Variants in ZNF24 observed in about 807,000 individuals in gnomAD.
ZNF24 encodes the protein retinoic acid suppression protein A.
In ZNF24, 11 loss-of-function variants were observed where a neutral mutation model predicts 40.9. The observed-to-expected ratio is 0.27, with a 90% confidence interval of 0.17 to 0.45. The LOEUF is 0.45. ZNF24 is among the 20% of genes least tolerant of loss of function. The pLI, the probability that ZNF24 is intolerant of heterozygous loss-of-function variation, is 1.00. For synonymous variants in ZNF24, 139 were observed against 154.7 expected, an observed-to-expected ratio of 0.90 and a Z score of 0.75; for missense variants, 293 against 437.7, an observed-to-expected ratio of 0.67 and a Z score of 2.95.
At chr18:35,338,667 AAG>A (rs199906915) in intron 3 of ZNF24, 2 of 1,050,016 alleles carry the variant, frequency 1.9e-6, no homozygotes, top group East Asian at 7.9e-5. Context: ...AGATAAGGCT[AAG>A]AGAGAGAGAC....
At chr18:35,337,814 G>C in intron 3 of ZNF24, 44 bp from the exon 4 acceptor site, 1 of 1,372,774 alleles carries the variant, frequency 7.3e-7, no homozygotes, top group East Asian at 2.4e-5. Context: ...TATCTATTAA[G>C]GGAAAAGAAA....
At chr18:35,338,400 C>A in intron 3 of ZNF24, 2 of 985,380 alleles carry the variant, frequency 2.0e-6, no homozygotes, top group South Asian at 4.7e-5. Flanking sequence ...AGCAGCTTCT[C>A]CCATGTGGTA....
At chr18:35,341,888 A>C (rs2044972017) in intron 1 of ZNF24, among the ~76,000 whole-genome samples, 1 of 152,134 alleles carries the variant, frequency 6.6e-6, no homozygotes, top group African/African-American at 2.4e-5. Context: ...TGTCTCTAAA[A>C]AATGAATTTA....
rs1300726054 is a variant in ZNF24 at position 35,337,702 on chromosome 18, G to A, written c.637C>T (p.His213Tyr). The change falls in exon 4 of 4, where the codon CAT (histidine) becomes TAT (tyrosine). Residue 213 changes from histidine to tyrosine, a missense_variant. Physicochemically the swap from His to Tyr is moderately conservative, Grantham distance 83. Around this residue, in one of 2 missense-constraint regions of ZNF24, gnomAD observed 234 missense variants for 299.2 expected, o/e 0.78. Transcript: ENST00000261332. ...ATATTGAGAGTGCCAGGAACTTCAT[G>A]GGATTCTAATGCTGAAGGAAGCTCC... ...KQELPSALESHEVPGTLNMGV... is the reference protein window; with the variant it reads ...KQELPSALESYEVPGTLNMGV... 1 of 1,612,524 alleles carries A rather than the reference G, an allele frequency of 6.2e-7. No homozygotes were observed. Among genetic ancestry groups the A allele is most frequent in the East Asian group, 2.2e-5 (1 of 44,886 alleles).
rs1448788124 is a variant in ZNF24 at position 35,333,720 on chromosome 18, A to C, written c.*3512T>G. On this transcript the variant is annotated 3_prime_UTR_variant, in exon 4 of 4. Transcript: ENST00000261332. ...GAAATCTTTTTGGTAGTAGTTTTCA[A>C]AACTGCAAATGTGAAACCTGATCCA... The C allele has an allele frequency of 1.3e-5, 2 of 152,178 alleles. No individual in the cohort carries two copies. The highest frequency in any genetic ancestry group is 1.9e-4 in the East Asian group (1 of 5,200). 9.4% of individuals were successfully genotyped at this position (152,178 alleles called of 1,614,324 possible).
At position 35,336,270 on chromosome 18, in the gene ZNF24, G is replaced by T. The variant is rs1369427500; in HGVS notation, c.*962C>A. On this transcript the variant is annotated 3_prime_UTR_variant, in exon 4 of 4. Coordinates refer to ENST00000261332, the MANE Select transcript of ZNF24 (RefSeq NM_006965.4). ...TTTGTACCAAAGGAATAAAAAATAG[G>T]TAACCTGATACTTGCCCACCTGTCA... is the stretch of plus-strand genomic sequence containing the variant. 6.6e-6 allele frequency: 1 copy of T among 152,588 alleles called. No individual in the cohort carries two copies. Among genetic ancestry groups the T allele is most frequent in the Non-Finnish European group, 1.5e-5 (1 of 68,026 alleles). 9.5% of individuals were successfully genotyped at this position (152,588 alleles called of 1,614,324 possible).
intron 3 of ZNF24, 43 bp from the exon 4 acceptor site, chr18:35,337,813 A>AC (rs1569102629): frequency 2.9e-6 from 4 of 1,367,482 alleles, no homozygotes; most frequent in African/African-American, 2.8e-5. Context: ...TTATCTATTA[A>AC]GGGAAAAGAA....
chr18:35,340,248 C>A lies in ZNF24; in HGVS notation c.403G>T (p.Asp135Tyr). Residue 135 changes from aspartate to tyrosine, a missense_variant, in exon 2 of 4, where the codon GAT becomes TAT. Asp to Tyr is a radical substitution (Grantham distance 160, BLOSUM62 -3). Around this residue, in one of 2 missense-constraint regions of ZNF24, gnomAD observed 234 missense variants for 299.2 expected, o/e 0.78. Transcript: ENST00000261332. The surrounding 1 kb of genome is among the most constrained non-coding windows in gnomAD (Gnocchi z 4.6). ...AGGCTCACCGGTTGTCCAGGGTCAT[C>A]AAGTTCACTCTCCAAATCCTCCAGC... Reference protein sequence around the residue: ...TVLEDLESELDDPGQPVSLRR... With the variant: ...TVLEDLESELYDPGQPVSLRR... 6.2e-7 allele frequency: 1 copy of A among 1,613,034 alleles called. No individual in the cohort carries two copies. The highest frequency in any genetic ancestry group is 1.1e-5 in the South Asian group (1 of 91,064).
chr18:35,338,969 A>C (rs1013268306), intron 3 of ZNF24: 38 of 1,519,046 alleles, frequency 2.5e-5, no homozygotes, highest in Admixed American at 4.1e-5. Flanking sequence ...GCCCCACCCC[A>C]AAAGTTGACT....
At chr18:35,342,864 T>C (rs1734599834) in intron 1 of ZNF24, among the ~76,000 whole-genome samples, 1 of 152,194 alleles carries the variant, frequency 6.6e-6, no homozygotes, top group Non-Finnish European at 1.5e-5. Context: ...AGTTTGCCAA[T>C]CATGACCTAC....
At chr18:35,337,808 T>C in intron 3 of ZNF24, 38 bp from the exon 4 acceptor site, 2 of 1,388,980 alleles carry the variant, frequency 1.4e-6, no homozygotes, top group Non-Finnish European at 1.9e-6. Flanking sequence ...ATTCATTATC[T>C]ATTAAGGGAA....
rs1417735032 is a variant in ZNF24, at chr18:35,340,559, T to C, written c.92A>G (p.Asp31Gly). The C allele has an allele frequency of 6.2e-7, 1 of 1,614,220 alleles. No individual in the cohort carries two copies. Residue 31 changes from aspartate (D) to glycine (G), a missense_variant, in exon 2 of 4, where the codon GAT (aspartate) becomes GGT (glycine). Coordinates refer to ENST00000261332, the MANE Select transcript of ZNF24 (RefSeq NM_006965.4). This position sits in a 1 kb window ranked among gnomAD's most constrained non-coding sequence, Gnocchi z 4.6. ...EKILRVKLEE[D>G]PDGEEGSSIP... ...ACTTGATCCCTCTTCGCCATCAGGA[T>C]CCTCCTCCAACTTCACTCTCAGAAT...
At position 35,336,198 on chromosome 18, in the gene ZNF24, T is replaced by C. The variant is rs1064753; in HGVS notation, c.*1034A>G. The C allele has an allele frequency of 0.31, 47,390 of 152,554 alleles. 8,751 individuals carry two copies. The highest frequency in any genetic ancestry group is 0.39 in the Non-Finnish European group (26,748 of 67,980). 9.5% of individuals were successfully genotyped at this position (152,554 alleles called of 1,614,324 possible). A position where few individuals can be genotyped will look rare whatever the true frequency, so the allele number is the denominator to read the frequency against. ...CACAGTGCCTTGTCGGTAGAAAATG[T>C]TTAATAATAAATGCATGGCTGCTTT... On this transcript the variant is annotated 3_prime_UTR_variant, in exon 4 of 4. Transcript: ENST00000261332.
chr18:35,338,968 C>G, intron 3 of ZNF24: 1 of 1,518,188 alleles, frequency 6.6e-7, no homozygotes. Context: ...AGCCCCACCC[C>G]AAAAGTTGAC....
rs1287025360 is a variant in ZNF24, at chr18:35,335,284, G to A, written c.*1948C>T. 6.6e-6 allele frequency: 1 copy of A among 152,088 alleles called. No individual in the cohort carries two copies. Among genetic ancestry groups the A allele is most frequent in the African/African-American group, 2.4e-5 (1 of 41,416 alleles). The allele number at this position is 152,088 out of a possible 1,614,324, so 9.4% of individuals were successfully genotyped here. On this transcript the variant is annotated 3_prime_UTR_variant, in exon 4 of 4. Coordinates refer to ENST00000261332, the MANE Select transcript of ZNF24 (RefSeq NM_006965.4). ...TGACTTGTTTCCCCTCAGCCACAAA[G>A]AGAAAAAGACCCAAACAAAAGTCCC...
rs537551804 is a variant in ZNF24 at position 35,340,398 on chromosome 18, T to C, written c.253A>G (p.Thr85Ala). 495 of 1,614,174 alleles carry C rather than the reference T, an allele frequency of 3.1e-4. 8 individuals are homozygous for C. The South Asian group carries it at 5.0e-3, about 16-fold the overall frequency. The stretch of plus-strand genomic sequence containing the variant: ...TCCAAGATTTGTTCTTTTGTGTGCG[T>C]CTCTGGCCTGAGCCACAGACGGCAA... ...ELCRLWLRPE[T>A]HTKEQILELV... is the part of the protein sequence containing the mutation. Residue 85 changes from threonine to alanine, a missense_variant, in exon 2 of 4, where the codon ACG becomes GCG. Coordinates refer to ENST00000261332, the MANE Select transcript of ZNF24 (RefSeq NM_006965.4). This position sits in a 1 kb window ranked among gnomAD's most constrained non-coding sequence, Gnocchi z 4.6.
At chr18:35,338,259 G>A (rs1423978784) in intron 3 of ZNF24, 1 of 985,558 alleles carries the variant, frequency 1.0e-6, no homozygotes, top group African/African-American at 1.7e-5. Flanking sequence ...CACAGCCAAT[G>A]TTAGCCTAAA....
chr18:35,337,815 G>GA, intron 3 of ZNF24, 45 bp from the exon 4 acceptor site: 3 of 1,368,980 alleles, frequency 2.2e-6, no homozygotes, highest in Non-Finnish European at 2.8e-6. Context: ...ATCTATTAAG[G>GA]GAAAAGAAAC....
chr18:35,338,204 A>G (rs2044930489), intron 3 of ZNF24: 3 of 986,376 alleles, frequency 3.0e-6, no homozygotes, highest in South Asian at 9.4e-5. Flanking sequence ...TTAGAAAAAC[A>G]TGTCAGAAAG....
Sources: allele counts gnomAD v4.1 joint callset (sites outside exome capture counted in the v4.1 genomes callset), GRCh38; gene constraint gnomAD v4.1.1; regional missense constraint gnomAD v4.1.1; non-coding constraint Gnocchi (gnomAD v3.1); transcripts MANE v1.5; gene names NCBI Gene and HGNC (gene_info 2026-07-23, HGNC 2026-07-21).